The following PKIB variants were observed in gnomAD, a reference collection of about 807,000 sequenced individuals.
PKIB encodes cAMP-dependent protein kinase inhibitor beta, also known as PKI-beta.
A neutral mutation model predicts 4.5 loss-of-function variants in PKIB; 2 were observed. That is an observed-to-expected ratio of 0.44 (90% CI 0.18 to 1.39). PKIB has a LOEUF of 1.39. Among genes scored for constraint, PKIB ranks in the 40% most tolerant of loss-of-function variants. The pLI is 0.27. For missense variants in PKIB, 94 were observed against 92.6 expected (o/e 1.02, Z -0.06); for synonymous variants, 38 against 36.0 (o/e 1.06, Z -0.20).
At chr6:122,540,666 G>A (rs953340868) in intron 2 of PKIB, among the ~76,000 whole-genome samples, 1 of 152,028 alleles carries the variant, frequency 6.6e-6, no homozygotes, top group Non-Finnish European at 1.5e-5. Context: ...TGTTGATTTG[G>A]GGTGGAGAGC....
At chr6:122,610,700 C>G (rs1774716679) in intron 1 of PKIB, among the ~76,000 whole-genome samples, 165 bp downstream of exon 1, 1 of 152,230 alleles carries the variant, frequency 6.6e-6, no homozygotes, top group African/African-American at 2.4e-5. Context: ...GAAGCAGATG[C>G]CTCTTTCGCT....
intron 1 of PKIB, among the ~76,000 whole-genome samples, chr6:122,611,441 G>A (rs1008418911): frequency 6.6e-6 from 1 of 152,198 alleles, no homozygotes; most frequent in Non-Finnish European, 1.5e-5. Flanking sequence ...CCCTGCAGGT[G>A]GTAGTGTTAT....
chr6:122,585,560 A>G (rs557146040), intron 2 of PKIB: 1 of 152,136 alleles, frequency 6.6e-6, no homozygotes, highest in Non-Finnish European at 1.5e-5. Context: ...AATGGTAAAA[A>G]TTGTTATAGT....
At chr6:122,714,163 G>A (rs969372068) in intron 3 of PKIB, among the ~76,000 whole-genome samples, 46 of 152,148 alleles carry the variant, frequency 3.0e-4, no homozygotes, top group African/African-American at 1.1e-3. Context: ...ATTTGGTCAG[G>A]AAAATAGCTT....
chr6:122,628,015 T>C (rs2114809715), intron 1 of PKIB, among the ~76,000 whole-genome samples: 1 of 152,132 alleles, frequency 6.6e-6, no homozygotes, highest in Non-Finnish European at 1.5e-5. Flanking sequence ...AAATTGTGAT[T>C]CTATTGTATA....
At chr6:122,524,371 TCTC>T (rs1399638657) in intron 2 of PKIB, among the ~76,000 whole-genome samples, 4 of 149,708 alleles carry the variant, frequency 2.7e-5, no homozygotes, top group Middle Eastern at 3.2e-3. Flanking sequence ...CTCTTTTTCT[TCTC>T]CTCCTCCTCC....
At chr6:122,558,213 T>A (rs1772906012) in intron 2 of PKIB, among the ~76,000 whole-genome samples, 1 of 152,230 alleles carries the variant, frequency 6.6e-6, no homozygotes, top group African/African-American at 2.4e-5. Flanking sequence ...TTTTTCATGC[T>A]TCTCAGCTCT....
chr6:122,507,104 GA>G (rs1187270490), intron 2 of PKIB, among the ~76,000 whole-genome samples: 4 of 152,122 alleles, frequency 2.6e-5, no homozygotes, highest in Non-Finnish European at 5.9e-5. Flanking sequence ...CAAACTTTGT[GA>G]ATGATCTGGG....
intron 3 of PKIB, among the ~76,000 whole-genome samples, chr6:122,714,134 A>G (rs1274864341): frequency 1.3e-5 from 2 of 152,138 alleles, no homozygotes; most frequent in African/African-American, 4.8e-5. Flanking sequence ...CCTGCCACCA[A>G]TTTCTAGGCC....
chr6:122,663,641 C>A (rs1403082172), intron 2 of PKIB, among the ~76,000 whole-genome samples: 3 of 152,152 alleles, frequency 2.0e-5, no homozygotes, highest in Non-Finnish European at 4.4e-5. Flanking sequence ...CCTCCTATTT[C>A]TTCACAGGAC....
chr6:122,544,782 TAAAG>T (rs1177157387), intron 2 of PKIB, among the ~76,000 whole-genome samples: 7 of 151,886 alleles, frequency 4.6e-5, no homozygotes, highest in Non-Finnish European at 7.4e-5. Flanking sequence ...GTAAAGAACT[TAAAG>T]AAATCAATAA....
chr6:122,509,855 CTG>C (rs905597340), intron 2 of PKIB, among the ~76,000 whole-genome samples: 8 of 151,764 alleles, frequency 5.3e-5, no homozygotes, highest in Middle Eastern at 3.5e-3. Flanking sequence ...GTAGGGAACA[CTG>C]TGAATTGTAA....
chr6:122,656,821 A>G (rs1314378054), intron 2 of PKIB, among the ~76,000 whole-genome samples: 1 of 152,222 alleles, frequency 6.6e-6, no homozygotes, highest in Non-Finnish European at 1.5e-5. Context: ...CTCTATGCAC[A>G]CTAGCTATAT....
At chr6:122,611,285 A>G (rs755993090) in intron 1 of PKIB, among the ~76,000 whole-genome samples, 2 of 152,164 alleles carry the variant, frequency 1.3e-5, no homozygotes, top group Non-Finnish European at 2.9e-5. Flanking sequence ...GTCCCTTCCA[A>G]GGGAGCTGAG....
chr6:122,533,795 G>C (rs8180553), intron 2 of PKIB, among the ~76,000 whole-genome samples: 21,167 of 151,954 alleles, frequency 0.14, 1,590 homozygotes, highest in East Asian at 0.26. Flanking sequence ...ATGGGTCTGC[G>C]TTTTCCTCTT....
chr6:122,574,669 A>G (rs1444983466), intron 2 of PKIB, among the ~76,000 whole-genome samples: 1 of 152,094 alleles, frequency 6.6e-6, no homozygotes, highest in Non-Finnish European at 1.5e-5. Context: ...TATTCAATAA[A>G]TGGTGATGGG....
chr6:122,494,516 C>A (rs1183453580), intron 2 of PKIB, among the ~76,000 whole-genome samples: 1 of 152,140 alleles, frequency 6.6e-6, no homozygotes. Context: ...AAAAATACCC[C>A]CTTGGGAAAT....
In PKIB at chr6:122,576,792, T is replaced by C. The variant is rs1359608462; in HGVS notation, c.-247-9129T>C. Among the ~76,000 whole-genome samples, 7 of 149,472 alleles carry C rather than the reference T, an allele frequency of 4.7e-5. No homozygotes were observed. In the South Asian group the frequency reaches 1.5e-3, roughly 31 times the overall value. ...AGGAACTATTTAACATAGCACATCTTGATTTTGTTAGGCATATGTGTATTA... is the reference window on the plus strand; with the variant it reads ...AGGAACTATTTAACATAGCACATCTCGATTTTGTTAGGCATATGTGTATTA... On this transcript the variant is annotated intron_variant, in intron 2 of 6. Coordinates refer to the PKIB transcript ENST00000392491.
At chr6:122,583,728 C>A (rs114185704) in intron 2 of PKIB, among the ~76,000 whole-genome samples, 2,409 of 152,194 alleles carry the variant, frequency 0.016, 68 homozygotes, top group African/African-American at 0.056. Flanking sequence ...ATATCAATAA[C>A]AATGATTACC....
Sources: allele counts gnomAD v4.1 joint callset (sites outside exome capture counted in the v4.1 genomes callset), GRCh38; gene constraint gnomAD v4.1.1; transcripts MANE v1.5; gene names NCBI Gene and HGNC (gene_info 2026-07-23, HGNC 2026-07-21).